Variants in PDE4B observed in about 807,000 individuals in gnomAD.
The protein encoded by PDE4B is 3',5'-cyclic-AMP phosphodiesterase 4B.
A neutral mutation model predicts 82.2 loss-of-function variants in PDE4B; 20 were observed. The observed-to-expected ratio is 0.24, with a 90% CI of 0.17 to 0.35. The LOEUF (loss-of-function observed/expected upper bound fraction) is 0.35, where lower values mean the gene tolerates loss of function less well. Among genes scored for constraint, PDE4B ranks in the 10% least tolerant of loss-of-function variants. The pLI is 1.00. For synonymous variants in PDE4B, 320 were observed against 318.9 expected (o/e 1.00, Z -0.04); for missense variants, 655 against 907.2 (o/e 0.72, Z 3.57).
intron 3 of PDE4B, among the ~76,000 whole-genome samples, chr1:65,961,410 A>G (rs1649534904): frequency 6.6e-6 from 1 of 152,158 alleles, no homozygotes; most frequent in Admixed American, 6.6e-5. Context: ...TGGGTTTTCC[A>G]TGTAATCCAT....
At chr1:65,966,956 C>T (rs1303352430) in intron 3 of PDE4B, among the ~76,000 whole-genome samples, 112 of 144,110 alleles carry the variant, frequency 7.8e-4, no homozygotes, top group African/African-American at 9.3e-4. Flanking sequence ...CTAGGCAATA[C>T]CATTCAGGAC....
chr1:66,352,555 C>T (rs949261769), intron 8 of PDE4B, among the ~76,000 whole-genome samples: 2 of 152,188 alleles, frequency 1.3e-5, no homozygotes, highest in Admixed American at 1.3e-4. Context: ...TTTCTACCTG[C>T]TCCTATCTTC....
chr1:66,201,713 G>T (rs1458298572), intron 3 of PDE4B, among the ~76,000 whole-genome samples: 3 of 151,278 alleles, frequency 2.0e-5, no homozygotes, highest in Non-Finnish European at 2.9e-5. Context: ...ATTTTTTATT[G>T]CATCTGTTTG....
chr1:65,862,214 AT>A (rs1294323654), intron 1 of PDE4B, among the ~76,000 whole-genome samples: 1 of 152,156 alleles, frequency 6.6e-6, no homozygotes, highest in African/African-American at 2.4e-5. Context: ...TTATTTTGAG[AT>A]ATGTTCCATC....
At chr1:66,074,184 T>C (rs528244596) in intron 3 of PDE4B, among the ~76,000 whole-genome samples, 35 of 152,256 alleles carry the variant, frequency 2.3e-4, no homozygotes, top group Middle Eastern at 6.8e-3. Context: ...TGGAAGACCT[T>C]TGGTTTAATG....
chr1:66,265,990 G>A, intron 6 of PDE4B, 48 bp from the exon 7 acceptor site: 1 of 1,432,186 alleles, frequency 7.0e-7, no homozygotes, highest in South Asian at 1.1e-5. Context: ...GGGTGGAATG[G>A]GCAGTTTTGA....
chr1:66,152,588 A>ATGTGTG (rs565977541), intron 3 of PDE4B: 3 of 213,658 alleles, frequency 1.4e-5, no homozygotes, highest in African/African-American at 5.8e-5. Context: ...GTGCATATAT[A>ATGTGTG]TGTGTGTGTG....
chr1:66,198,457 G>C (rs1648529296), intron 3 of PDE4B, among the ~76,000 whole-genome samples: 1 of 152,062 alleles, frequency 6.6e-6, no homozygotes, highest in Non-Finnish European at 1.5e-5. Flanking sequence ...AGTCAAGCTA[G>C]ATAAGCAAAA....
At chr1:66,303,343 G>A (rs12119846) in intron 7 of PDE4B, among the ~76,000 whole-genome samples, 8 of 103,476 alleles carry the variant, frequency 7.7e-5, no homozygotes, top group East Asian at 2.4e-4. Context: ...ATATATATAT[G>A]TGTGTGTGTG....
Position 66,100,300 on chromosome 1 carries a change from G to A in PDE4B, c.282-147160G>A, listed in dbSNP as rs139286096. Among the ~76,000 whole-genome samples the A allele has an allele frequency of 5.9e-4, 89 of 152,112 alleles. No individual in the cohort carries two copies. The East Asian group carries it at 0.015, about 26-fold the overall frequency. ...GCTCCTGACCTCAGGTGATCAGCCC[G>A]CCTTGGCCTCCTAAAGTGCTGGGAT... On this transcript the variant is annotated intron_variant, in intron 3 of 16. Transcript: ENST00000341517.
Position 66,343,434 on chromosome 1 carries a change from C to CT in PDE4B, c.747+10821dup, listed in dbSNP as rs141001320. On this transcript the variant is annotated intron_variant, in intron 8 of 16. Coordinates refer to ENST00000341517, the MANE Select transcript of PDE4B (RefSeq NM_002600.4). ...GCTCCTAGGACGCCAAACTGTGGGG[C>CT]TTTTTTTGAAACCCTCCCTTAGCTA... 3.4e-3 allele frequency among the ~76,000 whole-genome samples: 511 copies of CT among 152,242 alleles called. 6 individuals are homozygous for CT. Among genetic ancestry groups the CT allele is most frequent in the African/African-American group, 0.012 (483 of 41,546 alleles).
intron 3 of PDE4B, among the ~76,000 whole-genome samples, chr1:66,245,264 G>A (rs952442290): frequency 2.0e-5 from 3 of 152,180 alleles, no homozygotes; most frequent in African/African-American, 7.2e-5. Context: ...AGTTTTAAAA[G>A]TATGTTAGTG....
intron 3 of PDE4B, among the ~76,000 whole-genome samples, chr1:66,103,976 T>G (rs1645281157): frequency 6.6e-6 from 1 of 152,098 alleles, no homozygotes; most frequent in Admixed American, 6.6e-5. Context: ...TTAGGTTACA[T>G]GTGCACAATG....
intron 3 of PDE4B, among the ~76,000 whole-genome samples, chr1:65,978,218 G>T (rs1047700195): frequency 1.4e-4 from 21 of 150,032 alleles, no homozygotes; most frequent in South Asian, 4.3e-4. Flanking sequence ...AGTAGAGATG[G>T]GGTTTCACCA....
At chr1:66,239,328 A>G (rs994771773) in intron 3 of PDE4B, among the ~76,000 whole-genome samples, 5 of 152,128 alleles carry the variant, frequency 3.3e-5, no homozygotes, top group African/African-American at 9.7e-5. Context: ...CTGGCCCTTT[A>G]TAATGTCTAC....
rs925367024 is a variant in PDE4B at position 66,004,084 on chromosome 1, G to GTAGAAAAAT, written c.281+85267_281+85275dup. On this transcript the variant is annotated intron_variant, in intron 3 of 16. Coordinates refer to ENST00000341517, the MANE Select transcript of PDE4B (RefSeq NM_002600.4). ...AACCATTCAACCTATCTTAGAAAAA[G>GTAGAAAAAT]TAGAAAAATTAGAAAAATTAGAAAA... Among the ~76,000 whole-genome samples, 4 of 152,192 alleles carry GTAGAAAAAT rather than the reference G, an allele frequency of 2.6e-5. No individual in the cohort carries two copies. The South Asian group carries it at 6.2e-4, about 24-fold the overall frequency.
Position 65,962,153 on chromosome 1 carries a change from A to G in PDE4B, c.281+43318A>G, listed in dbSNP as rs190676694. 1.4e-4 allele frequency among the ~76,000 whole-genome samples: 21 copies of G among 152,290 alleles called. No individual in the cohort carries two copies. The East Asian group carries it at 3.5e-3, about 25-fold the overall frequency. ...CTACCACAAAGCCTATTTTATAATA[A>G]AGTATTGAATATCTCATGTAATTGA... On this transcript the variant is annotated intron_variant, in intron 3 of 16. Transcript: ENST00000341517.
chr1:65,865,877 T>C (rs1021713621), intron 1 of PDE4B, among the ~76,000 whole-genome samples: 2 of 152,184 alleles, frequency 1.3e-5, no homozygotes, highest in Non-Finnish European at 2.9e-5. Flanking sequence ...ACAGTCTTTC[T>C]CTCTGTCTCC....
At chr1:65,902,533 A>G (rs1438249074) in intron 1 of PDE4B, among the ~76,000 whole-genome samples, 1 of 152,158 alleles carries the variant, frequency 6.6e-6, no homozygotes, top group African/African-American at 2.4e-5. Context: ...AGACTTACAT[A>G]ACTTTCCTCT....
Sources: gnomAD v4.1 joint callset for allele counts (sites outside exome capture counted in the v4.1 genomes callset) on GRCh38, gnomAD v4.1.1 for gene constraint, MANE v1.5 for transcripts, NCBI Gene and HGNC (gene_info 2026-07-23, HGNC 2026-07-21) for gene names.